The following MYT1L variants were observed in gnomAD, a reference collection of about 807,000 sequenced individuals.
The protein encoded by MYT1L is myelin transcription factor 1 like, also known as myelin transcription factor 1-like protein.
Under a neutral mutation model 126.7 loss-of-function variants are expected in MYT1L, and 12 were observed. That is an observed-to-expected ratio of 0.09 (90% CI 0.06 to 0.15). The LOEUF is 0.15. Ranked by LOEUF, MYT1L falls within the 10% of genes least tolerant of loss-of-function variation. MYT1L has a pLI of 1.00. For synonymous variants in MYT1L, 541 were observed against 604.2 expected (o/e 0.90, Z 1.53); for missense variants, 979 against 1,585.2 (o/e 0.62, Z 6.49).
chr2:2,001,141 T>G (rs2062333385), intron 4 of MYT1L, among the ~76,000 whole-genome samples: 1 of 152,114 alleles, frequency 6.6e-6, no homozygotes, highest in Admixed American at 6.6e-5. Context: ...CTTTATTAAT[T>G]TCCCCCTCTT....
intron 2 of MYT1L, among the ~76,000 whole-genome samples, chr2:2,252,398 A>G (rs1194312220): frequency 6.6e-6 from 1 of 152,154 alleles, no homozygotes; most frequent in Admixed American, 6.5e-5. Context: ...GTGTCTGGGC[A>G]TGAGTCCACA....
chr2:1,942,607 T>C (rs2056779297), intron 9 of MYT1L, among the ~76,000 whole-genome samples: 1 of 152,242 alleles, frequency 6.6e-6, no homozygotes, highest in Non-Finnish European at 1.5e-5. Flanking sequence ...AACACTGTTT[T>C]GCCCTTTGCC....
At chr2:2,180,953 T>C (rs1257742298) in intron 2 of MYT1L, among the ~76,000 whole-genome samples, 1 of 151,542 alleles carries the variant, frequency 6.6e-6, no homozygotes, top group Non-Finnish European at 1.5e-5. Flanking sequence ...TGTGCCTGTG[T>C]GTGCACCTGT....
At chr2:1,938,598 G>T (rs1270974679) in intron 9 of MYT1L, among the ~76,000 whole-genome samples, 1 of 152,158 alleles carries the variant, frequency 6.6e-6, no homozygotes, top group African/African-American at 2.4e-5. Flanking sequence ...GTGATCAGGA[G>T]AACACGAGTT....
At chr2:2,060,506 T>C (rs577288615) in intron 3 of MYT1L, among the ~76,000 whole-genome samples, 9 of 152,324 alleles carry the variant, frequency 5.9e-5, no homozygotes, top group African/African-American at 1.7e-4. Flanking sequence ...ACAGATTATA[T>C]ATTAAGAGAC....
chr2:2,033,818 G>A (rs1574699327), intron 4 of MYT1L, among the ~76,000 whole-genome samples: 2 of 152,288 alleles, frequency 1.3e-5, no homozygotes, highest in Admixed American at 1.3e-4. Flanking sequence ...GGGACAGGAT[G>A]GCACTGTGCC....
At chr2:2,151,890 A>T (rs2085856036) in intron 3 of MYT1L, among the ~76,000 whole-genome samples, 1 of 152,076 alleles carries the variant, frequency 6.6e-6, no homozygotes, top group African/African-American at 2.4e-5. Flanking sequence ...CCCGGTCTCT[A>T]CTAAAAACGC....
At chr2:1,969,536 G>A (rs1157820205) in intron 8 of MYT1L, among the ~76,000 whole-genome samples, 2 of 152,208 alleles carry the variant, frequency 1.3e-5, no homozygotes, top group African/African-American at 4.8e-5. Flanking sequence ...AGGTGACGCT[G>A]ATGTTCTGGA....
rs2149072729 is a variant in MYT1L at position 1,917,375 on chromosome 2, T to G, written c.1484-36A>C. The G allele has an allele frequency of 1.3e-6, 2 of 1,568,984 alleles. No homozygotes were observed. Among genetic ancestry groups the G allele is most frequent in the East Asian group, 4.5e-5 (2 of 44,270 alleles). On this transcript the variant is annotated intron_variant, in intron 10 of 24. Coordinates refer to ENST00000647738, the MANE Select transcript of MYT1L (RefSeq NM_001303052.2). This position sits in a 1 kb window ranked among gnomAD's most constrained non-coding sequence, Gnocchi z 5.9. ...CAACAGGTGCCAAGAGAATAAATGT[T>G]TACCAATCAAAGACAAATGTGATTA...
intron 18 of MYT1L, among the ~76,000 whole-genome samples, chr2:1,878,649 A>T (rs1373863308): frequency 6.6e-6 from 1 of 152,212 alleles, no homozygotes; most frequent in African/African-American, 2.4e-5. Context: ...TCATTCAAGC[A>T]GCTTGTGACT....
At chr2:2,319,546 A>C (rs941086778) in intron 1 of MYT1L, among the ~76,000 whole-genome samples, 1 of 152,126 alleles carries the variant, frequency 6.6e-6, no homozygotes, top group African/African-American at 2.4e-5. Context: ...CGTGCCGTTG[A>C]ATAGAGAATA....
Position 1,887,262 on chromosome 2 carries a change from A to G in MYT1L, c.2642+226T>C. On this transcript the variant is annotated intron_variant, in intron 17 of 24. Coordinates refer to ENST00000647738, the MANE Select transcript of MYT1L (RefSeq NM_001303052.2). The surrounding 1 kb of genome is among the most constrained non-coding windows in gnomAD (Gnocchi z 4.8). ...AAGCACCCTGAAGAAAAGCGGCAAA[A>G]TGCACGGGTTAAATGAAAATGACGC... 1 of 503,092 alleles carries G rather than the reference A, an allele frequency of 2.0e-6. No homozygotes were observed. The highest frequency in any genetic ancestry group is 1.9e-5 in the African/African-American group (1 of 51,720). 31.2% of individuals were successfully genotyped at this position (503,092 alleles called of 1,614,324 possible). A position where few individuals can be genotyped will look rare whatever the true frequency, so the allele number is the denominator to read the frequency against.
chr2:2,264,842 G>A (rs2149306031), intron 2 of MYT1L, among the ~76,000 whole-genome samples: 1 of 152,260 alleles, frequency 6.6e-6, no homozygotes, highest in South Asian at 2.1e-4. Context: ...AATCAATTCA[G>A]CAACTTTTTT....
chr2:2,125,399 T>C (rs2081557442), intron 3 of MYT1L, among the ~76,000 whole-genome samples: 1 of 152,216 alleles, frequency 6.6e-6, no homozygotes, highest in African/African-American at 2.4e-5. Context: ...AGATTATTTC[T>C]AGAAAAAATG....
intron 13 of MYT1L, among the ~76,000 whole-genome samples, chr2:1,909,069 A>G (rs781440160): frequency 1.3e-5 from 2 of 152,242 alleles, no homozygotes; most frequent in Non-Finnish European, 2.9e-5. Flanking sequence ...AAGGATATTC[A>G]TATTGTTTGC....
chr2:1,869,780 G>T (rs951878390), intron 18 of MYT1L, among the ~76,000 whole-genome samples: 1 of 152,128 alleles, frequency 6.6e-6, no homozygotes, highest in Non-Finnish European at 1.5e-5. Flanking sequence ...AGAAGTTGAG[G>T]TTTGAAGAAA....
chr2:2,051,225 T>A (rs766994667), intron 4 of MYT1L, among the ~76,000 whole-genome samples: 1 of 152,220 alleles, frequency 6.6e-6, no homozygotes, highest in Non-Finnish European at 1.5e-5. Context: ...TGAATAGTAT[T>A]CCACGTCCAT....
At chr2:1,814,027 C>A (rs35695243) in intron 21 of MYT1L, among the ~76,000 whole-genome samples, 77,211 of 123,218 alleles carry the variant, frequency 0.63, 23,087 homozygotes, top group Middle Eastern at 0.73. Flanking sequence ...ACTCCGTCCC[C>A]AAAAAAAAAA....
intron 2 of MYT1L, among the ~76,000 whole-genome samples, chr2:2,185,320 T>C (rs2091998978): frequency 1.3e-5 from 2 of 152,268 alleles, no homozygotes; most frequent in South Asian, 4.1e-4. Flanking sequence ...TTCAGTACTG[T>C]GTGGTTTTTG....
Sources: allele counts gnomAD v4.1 joint callset (sites outside exome capture counted in the v4.1 genomes callset), GRCh38; gene constraint gnomAD v4.1.1; non-coding constraint Gnocchi (gnomAD v3.1); transcripts MANE v1.5; gene names NCBI Gene and HGNC (gene_info 2026-07-23, HGNC 2026-07-21).